The following DENND1A variants were observed in gnomAD, a reference collection of about 807,000 sequenced individuals.
The protein encoded by DENND1A is DENN domain containing 1A.
In DENND1A, 51 loss-of-function variants were observed where a neutral mutation model predicts 113.7. The observed-to-expected ratio is 0.45, with a 90% CI of 0.36 to 0.57. DENND1A has a LOEUF of 0.57. Ranked by LOEUF, DENND1A falls within the 20% of genes least tolerant of loss-of-function variation. The probability of loss-of-function intolerance (pLI) is 0.00; values close to 1 mark genes in which losing one functional copy is unlikely to be tolerated. For missense variants in DENND1A, 1,258 were observed against 1,395.9 expected (o/e 0.90, Z 1.57); for synonymous variants, 565 against 570.8 (o/e 0.99, Z 0.14).
At chr9:123,857,612 G>A (rs146711070) in intron 2 of DENND1A, among the ~76,000 whole-genome samples, 302 of 152,246 alleles carry the variant, frequency 2.0e-3, no homozygotes, top group African/African-American at 7.2e-3. Context: ...GAAAAGCACA[G>A]CATCACTTCT....
At chr9:123,607,514 CACACACAGAGAGAGAG>C (rs1471340127) in intron 11 of DENND1A, among the ~76,000 whole-genome samples, 3 of 93,032 alleles carry the variant, frequency 3.2e-5, no homozygotes, top group African/African-American at 9.2e-5. Flanking sequence ...CACACACACA[CACACACAGAGAGAGAG>C]AGAGAGAGAG....
intron 2 of DENND1A, 73 bp downstream of exon 2, chr9:123,878,878 C>T: frequency 6.9e-7 from 1 of 1,453,672 alleles, no homozygotes; most frequent in South Asian, 1.2e-5. Context: ...CTCATATTCA[C>T]ATATTATCTC....
intron 3 of DENND1A, among the ~76,000 whole-genome samples, chr9:123,779,011 T>C (rs1402567558): frequency 6.6e-6 from 1 of 152,176 alleles, no homozygotes; most frequent in African/African-American, 2.4e-5. Flanking sequence ...CATCCAAAAC[T>C]CACAACTGTT....
At chr9:123,842,963 A>G (rs1564373943) in intron 2 of DENND1A, 1 of 355,612 alleles carries the variant, frequency 2.8e-6, no homozygotes, top group Non-Finnish European at 5.5e-6. Context: ...AGCCCTTCCC[A>G]CATGATAGTA....
rs971736135 is a variant in DENND1A at position 123,764,670 on chromosome 9, T to C, written c.182+4844A>G. Among the ~76,000 whole-genome samples, 8 of 152,138 alleles carry C rather than the reference T, an allele frequency of 5.3e-5. No homozygotes were observed. Among genetic ancestry groups the C allele is most frequent in the Non-Finnish European group, 1.2e-4 (8 of 68,026 alleles). On this transcript the variant is annotated intron_variant, in intron 4 of 23. Coordinates refer to ENST00000394215, the MANE Select transcript of DENND1A (RefSeq NM_001352964.2). The surrounding 1 kb of genome is among the most constrained non-coding windows in gnomAD (Gnocchi z 4.1). ...CAGAGCTCTGTCCATTCCCTCTACA[T>C]GAGCCTGACAAAGTCAACATGAAGC...
chr9:123,647,961 A>C (rs1410250939), intron 9 of DENND1A, among the ~76,000 whole-genome samples: 1 of 152,240 alleles, frequency 6.6e-6, no homozygotes, highest in African/African-American at 2.4e-5. Flanking sequence ...GCATACGTAA[A>C]TAGTTTTGTA....
intron 2 of DENND1A, among the ~76,000 whole-genome samples, chr9:123,830,624 G>A (rs1271263446): frequency 6.6e-6 from 1 of 151,984 alleles, no homozygotes; most frequent in African/African-American, 2.4e-5. Context: ...CAGCACTTTG[G>A]GAGGCCGAGG....
intron 13 of DENND1A, chr9:123,461,792 C>G (rs985563046): frequency 2.0e-5 from 3 of 152,052 alleles, no homozygotes; most frequent in Non-Finnish European, 4.4e-5. Flanking sequence ...AGGACATGGG[C>G]ATGGAAGGGA....
intron 13 of DENND1A, among the ~76,000 whole-genome samples, chr9:123,481,871 C>T (rs2050368720): frequency 6.6e-6 from 1 of 150,574 alleles, no homozygotes; most frequent in Admixed American, 6.6e-5. Context: ...TCTCTGCTCA[C>T]TGCAACCTCT....
intron 13 of DENND1A, among the ~76,000 whole-genome samples, chr9:123,478,611 G>T (rs2050101536): frequency 6.6e-6 from 1 of 152,212 alleles, no homozygotes; most frequent in Non-Finnish European, 1.5e-5. Flanking sequence ...AAAGTGTACT[G>T]ATGTCTGTGA....
At chr9:123,500,727 G>T (rs2052403641) in intron 13 of DENND1A, among the ~76,000 whole-genome samples, 1 of 152,120 alleles carries the variant, frequency 6.6e-6, no homozygotes, top group African/African-American at 2.4e-5. Context: ...CCAGGATGAG[G>T]GTAGGAGCTC....
At chr9:123,895,234 T>C (rs1850543616) in intron 1 of DENND1A, among the ~76,000 whole-genome samples, 1 of 152,130 alleles carries the variant, frequency 6.6e-6, no homozygotes, top group Non-Finnish European at 1.5e-5. Context: ...TGCAAATTCC[T>C]ACTAAGTACC....
rs946733123 is a variant in DENND1A, at chr9:123,639,764, C to T, written c.619-9288G>A. 6.0e-5 allele frequency among the ~76,000 whole-genome samples: 8 copies of T among 132,838 alleles called. No homozygotes were observed. In the South Asian group the frequency reaches 1.2e-3, roughly 20 times the overall value. 87.1% of individuals were successfully genotyped at this position (132,838 alleles called of 152,430 possible). The stretch of plus-strand genomic sequence containing the variant: ...TGCACTCTAGCCTGGGCAACAAGAA[C>T]GAAACTCCATCTCAAAAAAAAAAAA... On this transcript the variant is annotated intron_variant, in intron 9 of 23. Coordinates refer to ENST00000394215, the MANE Select transcript of DENND1A (RefSeq NM_001352964.2).
intron 7 of DENND1A, among the ~76,000 whole-genome samples, chr9:123,668,733 C>T (rs1048305447): frequency 2.6e-5 from 4 of 152,246 alleles, no homozygotes; most frequent in South Asian, 4.1e-4. Context: ...CTTAAAAAAG[C>T]CTTCTTCGAT....
intron 2 of DENND1A, chr9:123,843,016 T>G (rs1378347942): frequency 6.5e-6 from 3 of 462,134 alleles, no homozygotes; most frequent in Non-Finnish European, 8.7e-6. Context: ...GCGAGAGAGA[T>G]AGCCACTCAA....
At chr9:123,776,525 G>GAC (rs1830500509) in intron 3 of DENND1A, among the ~76,000 whole-genome samples, 7 of 152,280 alleles carry the variant, frequency 4.6e-5, no homozygotes, top group Non-Finnish European at 1.0e-4. Context: ...CCAAAAAATA[G>GAC]ATTCAAATGT....
intron 3 of DENND1A, 145 bp downstream of exon 3, chr9:123,792,442 T>C: frequency 1.3e-6 from 1 of 799,384 alleles, no homozygotes; most frequent in East Asian, 2.8e-5. Context: ...CAATACGTTT[T>C]ACTTTTTGTC....
chr9:123,644,752 C>CA (rs2062221436), intron 9 of DENND1A, among the ~76,000 whole-genome samples: 1 of 152,218 alleles, frequency 6.6e-6, no homozygotes, highest in Non-Finnish European at 1.5e-5. Flanking sequence ...TCATAACGAC[C>CA]TATATTCATG....
chr9:123,781,768 A>C (rs1263869627), intron 3 of DENND1A, among the ~76,000 whole-genome samples: 2 of 152,150 alleles, frequency 1.3e-5, no homozygotes, highest in African/African-American at 4.8e-5. Context: ...TCTTTGAGTT[A>C]AACATTTTAT....
Sources: allele counts gnomAD v4.1 joint callset (sites outside exome capture counted in the v4.1 genomes callset), GRCh38; gene constraint gnomAD v4.1.1; non-coding constraint Gnocchi (gnomAD v3.1); transcripts MANE v1.5; gene names NCBI Gene and HGNC (gene_info 2026-07-23, HGNC 2026-07-21).